The following UBE3B variants were observed in gnomAD, a reference collection of about 807,000 sequenced individuals.
UBE3B encodes the protein ubiquitin-protein ligase E3B.
UBE3B carries 80 observed loss-of-function variants against 132.3 expected under a neutral mutation model. The observed-to-expected ratio is 0.60, with a 90% CI of 0.50 to 0.73. The LOEUF (loss-of-function observed/expected upper bound fraction) is 0.73, where lower values mean the gene tolerates loss of function less well. Among genes scored for constraint, UBE3B ranks in the 30% least tolerant of loss-of-function variants. The pLI is 0.00. For synonymous variants in UBE3B, 487 were observed against 520.4 expected (o/e 0.94, Z 0.87); for missense variants, 1,196 against 1,362.5 (o/e 0.88, Z 1.92).
Position 109,521,946 on chromosome 12 carries a change from G to A in UBE3B, c.2364+395G>A, listed in dbSNP as rs2136071499. 6.6e-6 allele frequency among the ~76,000 whole-genome samples: 1 copy of A among 152,286 alleles called. No homozygotes were observed. The highest frequency in any genetic ancestry group is 6.5e-5 in the Admixed American group (1 of 15,304). On this transcript the variant is annotated intron_variant, in intron 21 of 27. Coordinates refer to ENST00000342494, the MANE Select transcript of UBE3B (RefSeq NM_130466.4). The surrounding 1 kb of genome is among the most constrained non-coding windows in gnomAD (Gnocchi z 4.2). ...GGTGTGCAGAGCCAGATGGCCACAC[G>A]GAGGCTGGGTCCCCGTTGTAGGAGG...
intron 18 of UBE3B, among the ~76,000 whole-genome samples, chr12:109,513,528 C>T (rs1592939851): frequency 6.6e-6 from 1 of 152,122 alleles, no homozygotes; most frequent in African/African-American, 2.4e-5. Flanking sequence ...ATATTTGGGA[C>T]CTAACTACCT....
At position 109,507,553 on chromosome 12, in the gene UBE3B, GT is replaced by G. The variant is rs780901409; in HGVS notation, c.1451-5del. 1.2e-5 allele frequency: 19 copies of G among 1,608,956 alleles called. No individual in the cohort carries two copies. The highest frequency in any genetic ancestry group is 1.5e-5 in the Non-Finnish European group (18 of 1,177,452). ...CCACCTGAAGCTTGGGTTTCTCTGT[GT>G]TTTTTCCAGGTCTCACTTACCTTGA... On this transcript the variant is annotated splice_polypyrimidine_tract_variant and intron_variant, in intron 14 of 27. Coordinates refer to ENST00000342494, the MANE Select transcript of UBE3B (RefSeq NM_130466.4).
intron 13 of UBE3B, among the ~76,000 whole-genome samples, chr12:109,502,079 A>G (rs1483381530): frequency 6.6e-6 from 1 of 152,228 alleles, no homozygotes; most frequent in Non-Finnish European, 1.5e-5. Context: ...ATAGGTGAAC[A>G]CAATCAAGAT....
chr12:109,510,369 G>C lies in UBE3B; in HGVS notation c.1767G>C (p.Glu589Asp), dbSNP rs1348459395. 1.9e-5 allele frequency: 30 copies of C among 1,611,224 alleles called. No homozygotes were observed. Among genetic ancestry groups the C allele is most frequent in the Non-Finnish European group, 2.5e-5 (29 of 1,178,854 alleles). ...IVENAKGETLELFQSVHGWLM... is the reference protein window; with the variant it reads ...IVENAKGETLDLFQSVHGWLM... ...AGAACGCCAAGGGTGAGACCTTGGA[G>C]CTGTTCCAGTCTGTCCACGGGTGGC... Residue 589 changes from glutamate to aspartate, a missense_variant, in exon 17 of 28, where the codon GAG (glutamate) becomes GAC (aspartate). Coordinates refer to ENST00000342494, the MANE Select transcript of UBE3B (RefSeq NM_130466.4).
Position 109,497,811 on chromosome 12 carries a change from T to A in UBE3B, c.714-7T>A, listed in dbSNP as rs752444128. On this transcript the variant is annotated splice_polypyrimidine_tract_variant and splice_region_variant and intron_variant, in intron 9 of 27. Coordinates refer to ENST00000342494, the MANE Select transcript of UBE3B (RefSeq NM_130466.4). ...CTGTCTGAATGAGTGGATCTATCTG[T>A]GTCTAGCCCTGTGATTGCTGCACAG... The A allele has an allele frequency of 6.2e-7, 1 of 1,614,112 alleles. No homozygotes were observed.
chr12:109,545,038 C>A, the UBE3B span, among the ~76,000 whole-genome samples: 2 of 150,132 alleles, frequency 1.3e-5, no homozygotes, highest in Admixed American at 1.3e-4. Context: ...TAAGCCCAAG[C>A]CTTTGACCAG....
At chr12:109,541,674 G>A (rs1359454559), downstream of UBE3B, among the ~76,000 whole-genome samples, 5 of 152,258 alleles carry the variant, frequency 3.3e-5, no homozygotes, top group East Asian at 5.8e-4. Flanking sequence ...TTAAAACAAC[G>A]GAAATGTATT....
the UBE3B span, among the ~76,000 whole-genome samples, chr12:109,543,907 G>A: frequency 2.6e-5 from 4 of 152,052 alleles, no homozygotes; most frequent in Admixed American, 6.6e-5. Context: ...GGGTTGGAGC[G>A]GGCCTCTCAA....
chr12:109,505,316 C>G (rs1369241118), intron 14 of UBE3B, among the ~76,000 whole-genome samples: 1 of 152,236 alleles, frequency 6.6e-6, no homozygotes, highest in Admixed American at 6.5e-5. Flanking sequence ...GCTGGTCTGT[C>G]TGCCATTGCT....
chr12:109,515,341 G>C (rs542211002), intron 18 of UBE3B, among the ~76,000 whole-genome samples: 1 of 142,256 alleles, frequency 7.0e-6, no homozygotes, highest in Non-Finnish European at 1.5e-5. Flanking sequence ...ATTTCCTGTT[G>C]TTGTTACTAT....
chr12:109,486,142 T>C, intron 5 of UBE3B, 71 bp downstream of exon 5: 1 of 1,482,384 alleles, frequency 6.7e-7, no homozygotes, highest in Non-Finnish European at 9.1e-7. Context: ...TGAAAGTTCC[T>C]GTTGAATATT....
chr12:109,489,257 T>C (rs1877013709), intron 7 of UBE3B, among the ~76,000 whole-genome samples: 1 of 152,180 alleles, frequency 6.6e-6, no homozygotes, highest in Non-Finnish European at 1.5e-5. Context: ...TAGATGTCGC[T>C]CATAGATATA....
At chr12:109,497,618 G>A (rs1249088023) in intron 9 of UBE3B, among the ~76,000 whole-genome samples, 200 bp from the exon 10 acceptor site, 1 of 151,962 alleles carries the variant, frequency 6.6e-6, no homozygotes, top group Non-Finnish European at 1.5e-5. Context: ...GTTTTTCATA[G>A]CTGCACAGTA....
chr12:109,524,246 C>A, intron 22 of UBE3B, 131 bp downstream of exon 22: 2 of 1,403,672 alleles, frequency 1.4e-6, no homozygotes, highest in Non-Finnish European at 1.9e-6. Context: ...TCACATCCCC[C>A]TGTGGGCAGT....
intron 23 of UBE3B, 78 bp downstream of exon 23, chr12:109,524,581 T>G: frequency 6.6e-7 from 1 of 1,507,240 alleles, no homozygotes; most frequent in Non-Finnish European, 9.2e-7. Flanking sequence ...TTTGTTTTCC[T>G]CAGAAAGAGC....
Position 109,488,557 on chromosome 12 carries a change from G to A in UBE3B, c.448-15G>A, listed in dbSNP as rs147096850. On this transcript the variant is annotated splice_polypyrimidine_tract_variant and intron_variant, in intron 6 of 27. Transcript: ENST00000342494. The stretch of plus-strand genomic sequence containing the variant: ...AAGACGTGTGTCTTAATCTTGCTGT[G>A]TTTATTGTTTCCAGCCTGAAATCCT... 9,585 of 1,610,762 alleles carry A rather than the reference G, an allele frequency of 6.0e-3. 45 individuals are homozygous for A. Among genetic ancestry groups the A allele is most frequent in the Non-Finnish European group, 7.2e-3 (8,499 of 1,176,938 alleles).
rs766321954 is a variant in UBE3B at position 109,490,018 on chromosome 12, G to GC, written c.630+20dup. On this transcript the variant is annotated intron_variant, in intron 8 of 27. Coordinates refer to ENST00000342494, the MANE Select transcript of UBE3B (RefSeq NM_130466.4). ...TCTGTGCTGCAGGTCTGTGACTCCT[G>GC]CCCCCCAGTGTGCAACTTCTCCACT... 6.2e-7 allele frequency: 1 copy of GC among 1,613,074 alleles called. No individual in the cohort carries two copies. Among genetic ancestry groups the GC allele is most frequent in the South Asian group, 1.1e-5 (1 of 91,064 alleles).
intron 24 of UBE3B, 27 bp downstream of exon 24, chr12:109,526,443 G>T: frequency 3.7e-6 from 6 of 1,608,030 alleles, no homozygotes; most frequent in Non-Finnish European, 5.1e-6. Flanking sequence ...GGTTTTTAAG[G>T]TCACCACTTG....
chr12:109,543,238 C>G, the UBE3B span, among the ~76,000 whole-genome samples: 1 of 152,212 alleles, frequency 6.6e-6, no homozygotes, highest in African/African-American at 2.4e-5. Flanking sequence ...ACACTGGAGC[C>G]AAACAGTCTC....
Sources: gnomAD v4.1 joint callset for allele counts (sites outside exome capture counted in the v4.1 genomes callset) on GRCh38, gnomAD v4.1.1 for gene constraint, Gnocchi (gnomAD v3.1) non-coding constraint, MANE v1.5 for transcripts, NCBI Gene and HGNC (gene_info 2026-07-23, HGNC 2026-07-21) for gene names.